Variants in HERC1 observed in about 807,000 individuals in gnomAD.
The protein encoded by HERC1 is HECT and RLD domain containing E3 ubiquitin protein ligase family member 1, also known as probable E3 ubiquitin-protein ligase HERC1.
Under a neutral mutation model 554.3 loss-of-function variants are expected in HERC1, and 160 were observed. That is an observed-to-expected ratio of 0.29 (90% confidence interval 0.25 to 0.33). The LOEUF (loss-of-function observed/expected upper bound fraction) is 0.33. Ranked by LOEUF, HERC1 falls within the 10% of genes least tolerant of loss-of-function variation. The probability of loss-of-function intolerance (pLI) is 1.00; values close to 1 mark genes in which losing one functional copy is unlikely to be tolerated. For missense variants in HERC1, 4,919 were observed against 5,918.5 expected (o/e 0.83, Z 5.54); for synonymous variants, 2,175 against 2,131.7 (o/e 1.02, Z -0.56).
Position 63,774,684 on chromosome 15 carries a change from T to G in HERC1, c.930+10A>C, listed in dbSNP as rs758773894. ...TTATGAACTTTAAAGTTGAGACTTATAGTACGTACCAAAGAACGCCTCATC... is the reference window on the plus strand; with the variant it reads ...TTATGAACTTTAAAGTTGAGACTTAGAGTACGTACCAAAGAACGCCTCATC... On this transcript the variant is annotated intron_variant, in intron 2 of 77. Transcript: ENST00000443617. The G allele has an allele frequency of 1.3e-6, 2 of 1,573,054 alleles. No individual in the cohort carries two copies. Among genetic ancestry groups the G allele is most frequent in the Admixed American group, 3.8e-5 (2 of 52,740 alleles).
chr15:63,612,346 G>A lies in HERC1; in HGVS notation c.14305C>T (p.Arg4769Trp). ...HTLEEFSNEE[R>W]VLFMRFVSGR... ...GACACAAACCTCATGAAAAGCACCCGCTCCTCATTGGAGAACTCTTCCAGC... is the reference window on the plus strand; with the variant it reads ...GACACAAACCTCATGAAAAGCACCCACTCCTCATTGGAGAACTCTTCCAGC... Residue 4769 changes from arginine to tryptophan, a missense_variant, in exon 77 of 78, where the codon CGG becomes TGG. By Grantham distance (101) the Arg-to-Trp change is moderately radical. Coordinates refer to ENST00000443617, the MANE Select transcript of HERC1 (RefSeq NM_003922.4). The surrounding 1 kb of genome is among the most constrained non-coding windows in gnomAD (Gnocchi z 5.0). 6.2e-7 allele frequency: 1 copy of A among 1,613,976 alleles called. No homozygotes were observed. Among genetic ancestry groups the A allele is most frequent in the Non-Finnish European group, 8.5e-7 (1 of 1,179,864 alleles).
intron 25 of HERC1, among the ~76,000 whole-genome samples, chr15:63,703,925 AAAAG>A (rs1301855840): frequency 1.3e-5 from 2 of 151,468 alleles, no homozygotes; most frequent in African/African-American, 4.8e-5. Context: ...TCAAAAAAAA[AAAAG>A]AAAGAAAAAA....
intron 30 of HERC1, among the ~76,000 whole-genome samples, chr15:63,693,406 G>C (rs1035648889): frequency 6.6e-6 from 1 of 151,918 alleles, no homozygotes; most frequent in Admixed American, 6.6e-5. Flanking sequence ...ACCATGCCAG[G>C]CTAATTTTCA....
At chr15:63,819,206 G>A (rs1053987324) in intron 1 of HERC1, among the ~76,000 whole-genome samples, 3 of 151,946 alleles carry the variant, frequency 2.0e-5, no homozygotes, top group Non-Finnish European at 4.4e-5. Context: ...ACCAGAACCA[G>A]TTCATTTCTG....
chr15:63,611,422 C>A (rs1035393013), intron 77 of HERC1, among the ~76,000 whole-genome samples: 1 of 152,214 alleles, frequency 6.6e-6, no homozygotes, highest in South Asian at 2.1e-4. Flanking sequence ...TATTCCTAAG[C>A]CATCTGTCAA....
At position 63,755,135 on chromosome 15, in the gene HERC1, T is replaced by C. The variant is rs555472829; in HGVS notation, c.1630+94A>G. On this transcript the variant is annotated intron_variant, in intron 6 of 77. Coordinates refer to ENST00000443617, the MANE Select transcript of HERC1 (RefSeq NM_003922.4). ...CTTAAACTAACAAAATAAATGACAGTCTTTGGCCTAGTAAATCTGCTCTCA... is the reference window on the plus strand; with the variant it reads ...CTTAAACTAACAAAATAAATGACAGCCTTTGGCCTAGTAAATCTGCTCTCA... 93 of 797,070 alleles carry C rather than the reference T, an allele frequency of 1.2e-4. No individual in the cohort carries two copies. The African/African-American group carries it at 1.2e-3, about 10-fold the overall frequency. 49.4% of individuals were successfully genotyped at this position (797,070 alleles called of 1,614,324 possible).
intron 37 of HERC1, among the ~76,000 whole-genome samples, chr15:63,675,360 A>G (rs915035407): frequency 1.1e-4 from 16 of 152,224 alleles, no homozygotes; most frequent in Non-Finnish European, 2.2e-4. Flanking sequence ...ACTAATATAT[A>G]ATGTATGCCA....
intron 71 of HERC1, 54 bp from the exon 72 acceptor site, chr15:63,624,381 T>C (rs1305914529): frequency 1.6e-5 from 23 of 1,470,616 alleles, no homozygotes; most frequent in Non-Finnish European, 2.1e-5. Flanking sequence ...TTAAAAGAAA[T>C]AACAATTTTC....
At chr15:63,714,724 T>A (rs12148696) in intron 22 of HERC1, among the ~76,000 whole-genome samples, 42,600 of 151,266 alleles carry the variant, frequency 0.28, 6,638 homozygotes, top group Middle Eastern at 0.41. Flanking sequence ...ATTTTTTGTA[T>A]CTTTAGTAGA....
intron 1 of HERC1, among the ~76,000 whole-genome samples, chr15:63,826,814 A>AAAAAAATATATATAT (rs1567168622): frequency 4.5e-5 from 1 of 22,240 alleles, no homozygotes; most frequent in African/African-American, 1.3e-4. Context: ...AAAAAAAAAA[A>AAAAAAATATATATAT]ATATATATAT....
intron 12 of HERC1, among the ~76,000 whole-genome samples, chr15:63,741,321 C>T (rs2074796642): frequency 6.7e-6 from 1 of 149,756 alleles, no homozygotes; most frequent in South Asian, 2.1e-4. Context: ...GCCACCGCGC[C>T]GGGCCCATCT....
At position 63,749,510 on chromosome 15, in the gene HERC1, G is replaced by A. The variant is rs1447794216; in HGVS notation, c.2076C>T (p.Asn692=). The A allele has an allele frequency of 2.5e-6, 4 of 1,611,768 alleles. No individual in the cohort carries two copies. Among genetic ancestry groups the A allele is most frequent in the African/African-American group, 2.7e-5 (2 of 74,818 alleles). Reference sequence around the variant, plus strand: ...TTCCCTGACCACATTGCCCCATTGAGTTATTGCCCCAGGCATAAACTTCAT... The same window carrying A: ...TTCCCTGACCACATTGCCCCATTGAATTATTGCCCCAGGCATAAACTTCAT... ...HDNEVYAWGN[N]SMGQCGQGNS... The change falls in exon 10 of 78, where the codon AAC becomes AAT. Residue 692 remains asparagine (N), a synonymous_variant. Coordinates refer to ENST00000443617, the MANE Select transcript of HERC1 (RefSeq NM_003922.4). The surrounding 1 kb of genome is among the most constrained non-coding windows in gnomAD (Gnocchi z 4.1).
chr15:63,740,539 A>G (rs766224705), intron 12 of HERC1, among the ~76,000 whole-genome samples: 7 of 152,146 alleles, frequency 4.6e-5, no homozygotes, highest in Admixed American at 2.0e-4. Context: ...TTACATTCTC[A>G]TGCAATGCAT....
chr15:63,645,591 G>A lies in HERC1; in HGVS notation c.10970C>T (p.Ser3657Leu), dbSNP rs374565654. Residue 3657 changes from serine to leucine, a missense_variant, in exon 56 of 78, where the codon TCG becomes TTG. Coordinates refer to ENST00000443617, the MANE Select transcript of HERC1 (RefSeq NM_003922.4). Reference protein sequence around the residue: ...EDSVKLWGSISGCWCCLHSLC... With the variant: ...EDSVKLWGSILGCWCCLHSLC... ...TGAATGTAGACAGCACCAGCATCCCGAAATAGAGCCCCAGAGTTTCACACT... is the reference window on the plus strand; with the variant it reads ...TGAATGTAGACAGCACCAGCATCCCAAAATAGAGCCCCAGAGTTTCACACT... 137 of 1,612,822 alleles carry A rather than the reference G, an allele frequency of 8.5e-5. No homozygotes were observed. The highest frequency in any genetic ancestry group is 3.5e-4 in the Admixed American group (21 of 59,886).
intron 1 of HERC1, among the ~76,000 whole-genome samples, chr15:63,819,972 TAA>T (rs765226195): frequency 3.9e-5 from 6 of 152,180 alleles, no homozygotes; most frequent in African/African-American, 1.4e-4. Flanking sequence ...GGAAAAACGC[TAA>T]GAGAGTGGAT....
chr15:63,703,556 C>T (rs542781808), intron 25 of HERC1, among the ~76,000 whole-genome samples: 90 of 152,140 alleles, frequency 5.9e-4, no homozygotes, highest in Non-Finnish European at 1.1e-3. Flanking sequence ...AAACATTTTA[C>T]ATTTCCTCCT....
At chr15:63,690,745 A>G (rs758219390) in intron 31 of HERC1, 98 bp from the exon 32 acceptor site, 14 of 717,026 alleles carry the variant, frequency 2.0e-5, no homozygotes, top group African/African-American at 3.6e-5. Context: ...CTAAACATTT[A>G]TGGGTGGAAC....
intron 1 of HERC1, among the ~76,000 whole-genome samples, chr15:63,812,317 G>C (rs997790538): frequency 6.6e-6 from 1 of 152,158 alleles, no homozygotes; most frequent in Middle Eastern, 3.2e-3. Flanking sequence ...AAAACAGTAG[G>C]AATTCCTATG....
chr15:63,686,341 A>G lies in HERC1; in HGVS notation c.6225+18T>C. The G allele has an allele frequency of 5.8e-6, 9 of 1,559,680 alleles. No homozygotes were observed. The highest frequency in any genetic ancestry group is 1.2e-5 in the South Asian group (1 of 83,094). The stretch of plus-strand genomic sequence containing the variant: ...ACTAAAAGACAAAATGCTAAAAACT[A>G]TTAGATTTTCTACGTACCTTCCACT... On this transcript the variant is annotated intron_variant, in intron 34 of 77. Coordinates refer to ENST00000443617, the MANE Select transcript of HERC1 (RefSeq NM_003922.4).
Sources: allele counts gnomAD v4.1 joint callset (sites outside exome capture counted in the v4.1 genomes callset), GRCh38; gene constraint gnomAD v4.1.1; non-coding constraint Gnocchi (gnomAD v3.1); transcripts MANE v1.5; gene names NCBI Gene and HGNC (gene_info 2026-07-23, HGNC 2026-07-21).